NPSR1: variants seen among roughly 807,000 people sequenced by gnomAD.
NPSR1 encodes neuropeptide S receptor.
A neutral mutation model predicts 46.9 loss-of-function variants in NPSR1; 48 were observed. The observed-to-expected ratio is 1.02, with a 90% CI of 0.81 to 1.30. The LOEUF is 1.30. NPSR1 is among the 50% of genes most tolerant of loss of function. NPSR1 has a pLI of 0.00. For synonymous variants in NPSR1, 176 were observed against 168.1 expected, an observed-to-expected ratio of 1.05 and a Z score of -0.36; for missense variants, 450 against 449.5, an observed-to-expected ratio of 1.00 and a Z score of -0.01.
intron 8 of NPSR1, among the ~76,000 whole-genome samples, chr7:34,877,168 T>C (rs1015312026): frequency 2.1e-4 from 32 of 151,786 alleles, no homozygotes; most frequent in Non-Finnish European, 3.5e-4. Flanking sequence ...GCATGGACAG[T>C]GTAGCCACTG....
intron 6 of NPSR1, among the ~76,000 whole-genome samples, chr7:34,835,383 A>G (rs1790317769): frequency 1.3e-5 from 2 of 152,248 alleles, no homozygotes; most frequent in South Asian, 2.1e-4. Flanking sequence ...ATCTGGAATA[A>G]GAAGAGCTAC....
chr7:34,875,866 G>T (rs1791562540), intron 8 of NPSR1, among the ~76,000 whole-genome samples: 1 of 152,052 alleles, frequency 6.6e-6, no homozygotes, highest in Non-Finnish European at 1.5e-5. Flanking sequence ...AAAAGTCAAG[G>T]CATTGTGTGT....
intron 3 of NPSR1, among the ~76,000 whole-genome samples, chr7:34,792,706 T>G (rs1410731525): frequency 8.2e-6 from 1 of 121,654 alleles, no homozygotes; most frequent in African/African-American, 3.3e-5. Context: ...TATACGTATA[T>G]ATATATATTT....
chr7:34,735,613 T>C (rs1166062700), intron 2 of NPSR1, among the ~76,000 whole-genome samples: 1 of 152,220 alleles, frequency 6.6e-6, no homozygotes, highest in African/African-American at 2.4e-5. Flanking sequence ...ATGGGGCTTA[T>C]GAAAAGTAGT....
intron 2 of NPSR1, among the ~76,000 whole-genome samples, chr7:34,694,733 T>C (rs1479061567): frequency 6.6e-6 from 1 of 152,164 alleles, no homozygotes; most frequent in Non-Finnish European, 1.5e-5. Context: ...TTTTTTGAAA[T>C]GGAGTCTCGC....
At chr7:34,788,636 C>A (rs142253474) in intron 3 of NPSR1, among the ~76,000 whole-genome samples, 12 of 151,924 alleles carry the variant, frequency 7.9e-5, no homozygotes, top group African/African-American at 2.4e-4. Context: ...TATATATGGA[C>A]CCTACACTGG....
At chr7:34,750,447 A>G in intron 2 of NPSR1, 1 of 741,780 alleles carries the variant, frequency 1.3e-6, no homozygotes, top group South Asian at 1.4e-5. Flanking sequence ...GGTGTGACGA[A>G]GTCATTGTCT....
intron 2 of NPSR1, among the ~76,000 whole-genome samples, chr7:34,748,473 G>T (rs9986880): frequency 0.15 from 22,620 of 152,100 alleles, 1,797 homozygotes; most frequent in Non-Finnish European, 0.17. Context: ...TGAGACTAGG[G>T]GTGGTGGCAG....
intron 4 of NPSR1, among the ~76,000 whole-genome samples, chr7:34,824,254 C>A (rs17199853): frequency 6.6e-6 from 1 of 152,046 alleles, no homozygotes; most frequent in East Asian, 1.9e-4. Flanking sequence ...GTAACTTATA[C>A]GATTTTATAA....
At chr7:34,847,563 T>C (rs1031205704) in intron 7 of NPSR1, among the ~76,000 whole-genome samples, 1 of 152,040 alleles carries the variant, frequency 6.6e-6, no homozygotes, top group Non-Finnish European at 1.5e-5. Context: ...GGAGAATGGA[T>C]GGGGTACATT....
chr7:34,685,172 A>G (rs1792863709), intron 2 of NPSR1, among the ~76,000 whole-genome samples: 1 of 152,236 alleles, frequency 6.6e-6, no homozygotes. Flanking sequence ...ATAATGAAGT[A>G]ATATAATCTC....
chr7:34,838,836 T>G (rs914372148), intron 6 of NPSR1, among the ~76,000 whole-genome samples: 4 of 152,252 alleles, frequency 2.6e-5, no homozygotes, highest in African/African-American at 9.6e-5. Flanking sequence ...AGCATATTAT[T>G]GATGTCCAGG....
intron 3 of NPSR1, among the ~76,000 whole-genome samples, chr7:34,786,990 C>T (rs1301368532): frequency 6.6e-6 from 1 of 152,086 alleles, no homozygotes; most frequent in Non-Finnish European, 1.5e-5. Context: ...AAAGTCACCA[C>T]CTGCATTAGC....
At chr7:34,749,564 A>G in intron 2 of NPSR1, among the ~76,000 whole-genome samples, 1 of 152,246 alleles carries the variant, frequency 6.6e-6, no homozygotes, top group East Asian at 1.9e-4. Context: ...ATGGATTCAG[A>G]TAATGACTAT....
chr7:34,665,983 TTGAG>T (rs1279120898), intron 1 of NPSR1, among the ~76,000 whole-genome samples: 3 of 152,222 alleles, frequency 2.0e-5, no homozygotes, highest in African/African-American at 7.2e-5. Flanking sequence ...AAATATTTTG[TTGAG>T]TGAAAGAGTA....
intron 2 of NPSR1, among the ~76,000 whole-genome samples, chr7:34,741,968 A>G (rs1784960868): frequency 6.6e-6 from 1 of 152,198 alleles, no homozygotes; most frequent in South Asian, 2.1e-4. Flanking sequence ...TGCTGGATGT[A>G]TGGAACCTTA....
chr7:34,789,824 G>A (rs896584098), intron 3 of NPSR1, among the ~76,000 whole-genome samples: 1 of 150,256 alleles, frequency 6.7e-6, no homozygotes, highest in African/African-American at 2.4e-5. Flanking sequence ...AAGACTTTGA[G>A]TATTGAAGGA....
At chr7:34,799,070 C>T (rs902152795) in intron 3 of NPSR1, among the ~76,000 whole-genome samples, 1 of 151,532 alleles carries the variant, frequency 6.6e-6, no homozygotes, top group African/African-American at 2.4e-5. Context: ...GAAATGTAGG[C>T]CTAAAGAAAG....
chr7:34,758,474 G>T (rs1427092283), intron 2 of NPSR1, among the ~76,000 whole-genome samples: 1 of 152,162 alleles, frequency 6.6e-6, no homozygotes, highest in Non-Finnish European at 1.5e-5. Context: ...TGCTCAACAT[G>T]TTGCCCATAT....
Sources: allele counts gnomAD v4.1 joint callset (sites outside exome capture counted in the v4.1 genomes callset), GRCh38; gene constraint gnomAD v4.1.1; transcripts MANE v1.5; gene names NCBI Gene and HGNC (gene_info 2026-07-23, HGNC 2026-07-21).